The following SPAG16 variants were observed in gnomAD, a reference collection of about 807,000 sequenced individuals.
SPAG16 encodes sperm-associated antigen 16 protein.
Under a neutral mutation model 80.4 loss-of-function variants are expected in SPAG16, and 86 were observed. The observed-to-expected ratio is 1.07, with a 90% CI of 0.90 to 1.28. The LOEUF (loss-of-function observed/expected upper bound fraction) is 1.28. Ranked by LOEUF, SPAG16 falls within the 50% of genes most tolerant of loss-of-function variation. SPAG16 has a pLI of 0.00. For missense variants in SPAG16, 870 were observed against 765.3 expected (o/e 1.14, Z -1.61); for synonymous variants, 294 against 265.9 (o/e 1.11, Z -1.03).
chr2:213,632,117 G>C (rs1388013156), intron 10 of SPAG16, among the ~76,000 whole-genome samples: 2 of 151,862 alleles, frequency 1.3e-5, no homozygotes, highest in Non-Finnish European at 2.9e-5. Flanking sequence ...CTATCAACAT[G>C]GAATATTTTT....
In SPAG16 at chr2:213,490,102, G is replaced by T; in HGVS notation, c.1070+12G>T. On this transcript the variant is annotated intron_variant, in intron 10 of 15. Coordinates refer to ENST00000331683, the MANE Select transcript of SPAG16 (RefSeq NM_024532.5). ...CTTCCAGTGAGCTGGTAGGATTTTT[G>T]ATGTTTTATTAATACTTTTGAGATT... 6.4e-7 allele frequency: 1 copy of T among 1,565,490 alleles called. No homozygotes were observed. Among genetic ancestry groups the T allele is most frequent in the South Asian group, 1.2e-5 (1 of 82,254 alleles).
intron 13 of SPAG16, among the ~76,000 whole-genome samples, chr2:214,024,424 C>A (rs548040355): frequency 6.6e-6 from 1 of 151,512 alleles, no homozygotes; most frequent in African/African-American, 2.4e-5. Context: ...GATTTAATTC[C>A]TTTTGTATTC....
At chr2:213,709,052 C>T (rs1041038701) in intron 10 of SPAG16, among the ~76,000 whole-genome samples, 1 of 152,108 alleles carries the variant, frequency 6.6e-6, no homozygotes, top group Non-Finnish European at 1.5e-5. Flanking sequence ...TGCCCTCTAG[C>T]AAAACTTATG....
At chr2:213,805,148 A>G (rs2071688256) in intron 10 of SPAG16, among the ~76,000 whole-genome samples, 1 of 152,212 alleles carries the variant, frequency 6.6e-6, no homozygotes. Flanking sequence ...TCAGAATTCT[A>G]CTTCCTGACC....
intron 14 of SPAG16, among the ~76,000 whole-genome samples, chr2:214,139,512 T>G (rs1482624454): frequency 6.6e-6 from 1 of 152,112 alleles, no homozygotes; most frequent in African/African-American, 2.4e-5. Flanking sequence ...TTTCTACCTT[T>G]TCTATTCTGT....
intron 10 of SPAG16, among the ~76,000 whole-genome samples, chr2:213,620,317 G>A (rs897466484): frequency 1.7e-5 from 2 of 118,192 alleles, no homozygotes; most frequent in Admixed American, 9.7e-5. Flanking sequence ...TTTTGAGACG[G>A]AGTCTCACTC....
chr2:213,496,715 C>T (rs1359678577), intron 10 of SPAG16, among the ~76,000 whole-genome samples: 3 of 150,312 alleles, frequency 2.0e-5, no homozygotes, highest in Non-Finnish European at 4.4e-5. Context: ...ATATACATAT[C>T]CATATATATA....
rs2076576020 is a variant in SPAG16 at position 213,886,871 on chromosome 2, A to G, written c.1214+24243A>G. Among the ~76,000 whole-genome samples, 6 of 152,164 alleles carry G rather than the reference A, an allele frequency of 3.9e-5. No homozygotes were observed. In the South Asian group the frequency reaches 1.0e-3, roughly 26 times the overall value. On this transcript the variant is annotated intron_variant, in intron 11 of 15. Coordinates refer to ENST00000331683, the MANE Select transcript of SPAG16 (RefSeq NM_024532.5). ...ATTTAAAATTAGAACAATGGACACT[A>G]TGCTGGTATATATCATAACAGTTGG... is the stretch of plus-strand genomic sequence containing the variant.
chr2:213,387,105 T>C (rs2067467841), intron 9 of SPAG16, among the ~76,000 whole-genome samples: 1 of 152,098 alleles, frequency 6.6e-6, no homozygotes, highest in Non-Finnish European at 1.5e-5. Context: ...TATTTATACA[T>C]AGAATTTCCT....
intron 10 of SPAG16, among the ~76,000 whole-genome samples, chr2:213,756,720 G>A (rs748569285): frequency 1.2e-4 from 19 of 152,156 alleles, no homozygotes; most frequent in Non-Finnish European, 2.5e-4. Flanking sequence ...TAACGGCCTA[G>A]GATATGTGTG....
chr2:213,696,386 A>G (rs1372485264), intron 10 of SPAG16, among the ~76,000 whole-genome samples: 5 of 152,284 alleles, frequency 3.3e-5, no homozygotes, highest in South Asian at 2.1e-4. Context: ...CTGGCCATCA[A>G]TATTCAGTAC....
intron 14 of SPAG16, among the ~76,000 whole-genome samples, chr2:214,144,504 G>C (rs575062599): frequency 6.6e-6 from 1 of 152,122 alleles, no homozygotes; most frequent in South Asian, 2.1e-4. Context: ...TATTGAACAT[G>C]AACTATATTT....
intron 15 of SPAG16, among the ~76,000 whole-genome samples, chr2:214,173,011 G>A (rs2056934130): frequency 6.6e-6 from 1 of 151,272 alleles, no homozygotes; most frequent in Non-Finnish European, 1.5e-5. Context: ...TTTGTCAGAT[G>A]AGTAGGTTGC....
At chr2:213,434,582 C>T (rs146964116) in intron 9 of SPAG16, among the ~76,000 whole-genome samples, 1 of 152,284 alleles carries the variant, frequency 6.6e-6, no homozygotes, top group Non-Finnish European at 1.5e-5. Flanking sequence ...TGATAGGGGA[C>T]TGATATCCAG....
intron 10 of SPAG16, among the ~76,000 whole-genome samples, chr2:213,743,825 G>C (rs2067690179): frequency 6.6e-6 from 1 of 152,000 alleles, no homozygotes; most frequent in African/African-American, 2.4e-5. Context: ...TCAAATACTT[G>C]TCTCTGTCCC....
chr2:213,577,491 G>C (rs2060167644), intron 10 of SPAG16, among the ~76,000 whole-genome samples: 1 of 152,048 alleles, frequency 6.6e-6, no homozygotes, highest in South Asian at 2.1e-4. Flanking sequence ...TCCGTTTCCT[G>C]ATAAGCCCAT....
intron 5 of SPAG16, among the ~76,000 whole-genome samples, chr2:213,320,136 C>G (rs1247965944): frequency 3.3e-5 from 5 of 151,946 alleles, no homozygotes; most frequent in African/African-American, 1.2e-4. Context: ...AAAGTGCTTC[C>G]TTATAGCCTG....
chr2:214,173,287 A>T (rs1203357971), intron 15 of SPAG16, among the ~76,000 whole-genome samples: 5 of 152,056 alleles, frequency 3.3e-5, no homozygotes, highest in Non-Finnish European at 7.4e-5. Flanking sequence ...AGGTGTGAGG[A>T]AGGGATCCAG....
chr2:213,880,973 ATT>A (rs1247108091), intron 11 of SPAG16, among the ~76,000 whole-genome samples: 1 of 152,080 alleles, frequency 6.6e-6, no homozygotes, highest in Non-Finnish European at 1.5e-5. Flanking sequence ...TTCCGCATGA[ATT>A]TTTGAATAGT....
Sources: gnomAD v4.1 joint callset for allele counts (sites outside exome capture counted in the v4.1 genomes callset) on GRCh38, gnomAD v4.1.1 for gene constraint, MANE v1.5 for transcripts, NCBI Gene and HGNC (gene_info 2026-07-23, HGNC 2026-07-21) for gene names.